The following GPHN variants were observed in gnomAD, a reference collection of about 807,000 sequenced individuals.
GPHN encodes gephyrin.
GPHN carries 17 observed loss-of-function variants against 95.5 expected under a neutral mutation model. That is an observed-to-expected ratio of 0.18 (90% CI 0.12 to 0.27). GPHN has a LOEUF of 0.27. Ranked by LOEUF, GPHN falls within the 10% of genes least tolerant of loss-of-function variation. The pLI, the probability that GPHN is intolerant of heterozygous loss-of-function variation, is 1.00. For missense variants in GPHN, 660 were observed against 978.1 expected (o/e 0.67, Z 4.34); for synonymous variants, 320 against 322.5 (o/e 0.99, Z 0.08).
chr14:67,070,293 T>A (rs1407858922), intron 11 of GPHN, among the ~76,000 whole-genome samples: 1 of 147,790 alleles, frequency 6.8e-6, no homozygotes, highest in Non-Finnish European at 1.5e-5. Context: ...TATATGTTTG[T>A]GTGTGTGTGT....
chr14:67,671,851 ACT>A, the GPHN span, among the ~76,000 whole-genome samples: 2 of 151,920 alleles, frequency 1.3e-5, no homozygotes, highest in Admixed American at 1.3e-4. Context: ...GAACTAACCC[ACT>A]CTCTCAACAA....
chr14:66,753,037 G>A (rs899560185), intron 2 of GPHN, among the ~76,000 whole-genome samples: 8 of 151,774 alleles, frequency 5.3e-5, no homozygotes, highest in African/African-American at 1.2e-4. Flanking sequence ...ATATACAAAC[G>A]TGTTTAAATA....
At chr14:66,609,285 G>T (rs1448696172) in intron 1 of GPHN, among the ~76,000 whole-genome samples, 4 of 152,002 alleles carry the variant, frequency 2.6e-5, no homozygotes, top group Non-Finnish European at 5.9e-5. Flanking sequence ...ATCTCTTCTG[G>T]CTTGTAAGTT....
intron 5 of GPHN, among the ~76,000 whole-genome samples, chr14:66,886,212 T>C (rs1408508811): frequency 2.0e-5 from 3 of 152,198 alleles, no homozygotes; most frequent in Admixed American, 2.0e-4. Context: ...AAGGCCATGA[T>C]GGGACTGTCC....
At chr14:66,562,156 C>T (rs1307862126) in intron 1 of GPHN, among the ~76,000 whole-genome samples, 2 of 151,980 alleles carry the variant, frequency 1.3e-5, no homozygotes, top group African/African-American at 4.8e-5. Flanking sequence ...AAAAAATGTC[C>T]TTTTTTCCTC....
intron 5 of GPHN, among the ~76,000 whole-genome samples, chr14:66,911,302 AT>A (rs149935116): frequency 0.012 from 1,764 of 151,954 alleles, 37 homozygotes; most frequent in African/African-American, 0.04. Flanking sequence ...TGGGTATGGG[AT>A]TTTTTTGTGG....
the GPHN span, among the ~76,000 whole-genome samples, chr14:67,299,192 T>G: frequency 6.6e-6 from 1 of 152,208 alleles, no homozygotes; most frequent in Non-Finnish European, 1.5e-5. Flanking sequence ...ATTGGCTATT[T>G]CTCTATCTTT....
At chr14:67,287,839 A>C in the GPHN span, among the ~76,000 whole-genome samples, 1 of 152,362 alleles carries the variant, frequency 6.6e-6, no homozygotes, top group Non-Finnish European at 1.5e-5. Flanking sequence ...GAAAGGTAGA[A>C]GTACAGGTAA....
At chr14:67,663,916 T>C in the GPHN span, among the ~76,000 whole-genome samples, 121 of 152,244 alleles carry the variant, frequency 7.9e-4, 1 homozygote, top group African/African-American at 2.2e-3. Flanking sequence ...TTCTCCTTCA[T>C]TGACTACAAA....
At chr14:67,675,276 G>C in the GPHN span, among the ~76,000 whole-genome samples, 458 of 152,262 alleles carry the variant, frequency 3.0e-3, no homozygotes, top group Non-Finnish European at 5.6e-3. Flanking sequence ...GGGAGGCCGA[G>C]GTGGGAGGAT....
chr14:66,571,369 A>C (rs1005614527), intron 1 of GPHN, among the ~76,000 whole-genome samples: 4 of 152,090 alleles, frequency 2.6e-5, no homozygotes, highest in African/African-American at 7.2e-5. Flanking sequence ...TCGAAATGAG[A>C]TTTGGGTGGG....
intron 11 of GPHN, among the ~76,000 whole-genome samples, chr14:67,080,083 T>C (rs997620716): frequency 6.6e-6 from 1 of 152,130 alleles, no homozygotes; most frequent in Non-Finnish European, 1.5e-5. Context: ...GCCAAAACTT[T>C]TCTGGGTTTT....
At chr14:66,915,551 A>T (rs2153557873) in intron 5 of GPHN, among the ~76,000 whole-genome samples, 1 of 152,326 alleles carries the variant, frequency 6.6e-6, no homozygotes, top group Non-Finnish European at 1.5e-5. Flanking sequence ...CACTTGTGAA[A>T]AACCTTGTTT....
intron 1 of GPHN, among the ~76,000 whole-genome samples, chr14:66,613,666 A>C (rs2062876469): frequency 6.6e-6 from 1 of 152,162 alleles, no homozygotes; most frequent in African/African-American, 2.4e-5. Flanking sequence ...TCTGTGAATA[A>C]TGAAGATTGT....
At chr14:66,581,379 C>A (rs2061162477) in intron 1 of GPHN, among the ~76,000 whole-genome samples, 1 of 151,758 alleles carries the variant, frequency 6.6e-6, no homozygotes, top group Admixed American at 6.6e-5. Context: ...ACCTCTTGAT[C>A]ACTATAACGA....
chr14:67,383,620 A>G, the GPHN span: 35 of 792,632 alleles, frequency 4.4e-5, no homozygotes, highest in Non-Finnish European at 5.3e-5. Context: ...AGCTGTTGTC[A>G]CACAGTAGCT....
At chr14:66,906,299 CTATCCTCAGG>C (rs2065377653) in intron 5 of GPHN, among the ~76,000 whole-genome samples, 1 of 152,130 alleles carries the variant, frequency 6.6e-6, no homozygotes, top group Non-Finnish European at 1.5e-5. Context: ...TTGTCTCTGC[CTATCCTCAGG>C]TATATTTGTT....
intron 1 of GPHN, among the ~76,000 whole-genome samples, chr14:66,588,663 A>G (rs1374191929): frequency 1.3e-5 from 2 of 152,130 alleles, no homozygotes; most frequent in Non-Finnish European, 2.9e-5. Flanking sequence ...TTAATGAAAT[A>G]AAGTGTGAAG....
In GPHN at chr14:66,665,016, A is replaced by G. The variant is rs1048282037; in HGVS notation, c.65-16091A>G. Among the ~76,000 whole-genome samples, 10 of 145,250 alleles carry G rather than the reference A, an allele frequency of 6.9e-5. No individual in the cohort carries two copies. In the South Asian group the frequency reaches 8.7e-4, roughly 13 times the overall value. On this transcript the variant is annotated intron_variant, in intron 1 of 22. Coordinates refer to ENST00000478722, the MANE Select transcript of GPHN (RefSeq NM_020806.5). ...AAAAAAAAAAAAAAAAAAAAAGCCC[A>G]GGACCAGACGGCTTCACAGCTGAAT...
Sources: allele counts gnomAD v4.1 joint callset (sites outside exome capture counted in the v4.1 genomes callset), GRCh38; gene constraint gnomAD v4.1.1; transcripts MANE v1.5; gene names NCBI Gene and HGNC (gene_info 2026-07-23, HGNC 2026-07-21).